IGSF10: variants seen among roughly 807,000 people sequenced by gnomAD.
The protein encoded by IGSF10 is calvaria mechanical force protein 608.
IGSF10 carries 126 observed loss-of-function variants against 128.2 expected under a neutral mutation model. That is an observed-to-expected ratio of 0.98 (90% CI 0.85 to 1.14). The LOEUF (loss-of-function observed/expected upper bound fraction) is 1.14, where lower values mean the gene tolerates loss of function less well. Ranked by LOEUF, IGSF10 falls within the 50% of genes most tolerant of loss-of-function variation. IGSF10 has a pLI of 0.00. For synonymous variants in IGSF10, 1,185 were observed against 1,146.2 expected (o/e 1.03, Z -0.68); for missense variants, 3,295 against 3,149.8 (o/e 1.05, Z -1.10).
At chr3:151,457,736 A>C (rs146214819) in intron 3 of IGSF10, among the ~76,000 whole-genome samples, 34 of 152,356 alleles carry the variant, frequency 2.2e-4, no homozygotes, top group Admixed American at 7.2e-4. Context: ...AAATGGATGC[A>C]GTGCTTAACC....
the IGSF10 span, among the ~76,000 whole-genome samples, chr3:151,566,157 A>C: frequency 6.6e-6 from 1 of 152,088 alleles, no homozygotes; most frequent in Admixed American, 6.5e-5. Flanking sequence ...AATTTGGATT[A>C]GAATGGGAGG....
the IGSF10 span, among the ~76,000 whole-genome samples, chr3:151,504,094 A>T: frequency 6.6e-6 from 1 of 152,116 alleles, no homozygotes; most frequent in African/African-American, 2.4e-5. Flanking sequence ...TAATTTGTTA[A>T]TCTTATAGAG....
chr3:151,472,925 G>A, the IGSF10 span, among the ~76,000 whole-genome samples: 8 of 152,090 alleles, frequency 5.3e-5, no homozygotes, highest in Admixed American at 5.2e-4. Context: ...AAGCTTCAGG[G>A]CCTTGAACCT....
At chr3:151,524,933 C>A in the IGSF10 span, among the ~76,000 whole-genome samples, 874 of 138,402 alleles carry the variant, frequency 6.3e-3, 8 homozygotes, top group African/African-American at 0.022. Flanking sequence ...TATCAAATGT[C>A]TTTTCCAGCT....
the IGSF10 span, among the ~76,000 whole-genome samples, chr3:151,535,157 A>G: frequency 6.6e-6 from 1 of 152,222 alleles, no homozygotes; most frequent in Non-Finnish European, 1.5e-5. Flanking sequence ...TGCAAAAACA[A>G]TAACTATTAA....
chr3:151,519,348 A>G, the IGSF10 span, among the ~76,000 whole-genome samples: 5 of 135,314 alleles, frequency 3.7e-5, no homozygotes, highest in South Asian at 1.1e-3. Context: ...AAAAATTTCA[A>G]AAGTTAGATT....
In IGSF10 at chr3:151,446,616, G is replaced by C. The variant is rs914538130; in HGVS notation, c.3365C>G (p.Thr1122Arg). The C allele has an allele frequency of 6.2e-7, 1 of 1,614,092 alleles. No homozygotes were observed. The highest frequency in any genetic ancestry group is 1.3e-5 in the African/African-American group (1 of 75,038). Residue 1122 changes from threonine (T) to arginine (R), a missense_variant, in exon 6 of 8, where the codon ACA becomes AGA. By Grantham distance (71) the Thr-to-Arg change is moderately conservative. Coordinates refer to ENST00000282466, the MANE Select transcript of IGSF10 (RefSeq NM_178822.5). ...CCTGAAATATTTTATTGTGGGTGTT[G>C]TTTTCTCTACACTGGGTTTGTTCTC... ...LLENKPSVEKTTPTIKYFRTE... is the reference protein window; with the variant it reads ...LLENKPSVEKRTPTIKYFRTE...
In IGSF10 at chr3:151,447,268, C is replaced by T; in HGVS notation, c.2713G>A (p.Asp905Asn). 1.2e-6 allele frequency: 2 copies of T among 1,614,160 alleles called. No individual in the cohort carries two copies. Among genetic ancestry groups the T allele is most frequent in the Non-Finnish European group, 1.7e-6 (2 of 1,180,018 alleles). ...CTTCCTCTTCCCATCTGGTCAGAGTCCTGAAATTCAGTTGCTCCAAGTAGC... is the reference window on the plus strand; with the variant it reads ...CTTCCTCTTCCCATCTGGTCAGAGTTCTGAAATTCAGTTGCTCCAAGTAGC... ...PLLLGATEFQ[D>N]SDQMGRGREH... is the part of the protein sequence containing the mutation. The change falls in exon 6 of 8, where the codon GAC (aspartate) becomes AAC (asparagine). Residue 905 changes from aspartate to asparagine, a missense_variant. Physicochemically the swap from Asp to Asn is conservative, Grantham distance 23. Transcript: ENST00000282466.
At chr3:151,538,927 G>T in the IGSF10 span, among the ~76,000 whole-genome samples, 9 of 152,058 alleles carry the variant, frequency 5.9e-5, no homozygotes, top group African/African-American at 1.9e-4. Flanking sequence ...TCCAGCAAAC[G>T]AAAACACATC....
At chr3:151,551,034 G>A in the IGSF10 span, among the ~76,000 whole-genome samples, 1 of 152,174 alleles carries the variant, frequency 6.6e-6, no homozygotes, top group East Asian at 1.9e-4. Flanking sequence ...GTTCAGTGTG[G>A]CCCCTGAAAA....
rs529672522 is a variant in IGSF10, at chr3:151,446,700, A to G, written c.3281T>C (p.Ile1094Thr). ...AAPITFPKADIARVPSEESTT... is the reference protein window; with the variant it reads ...AAPITFPKADTARVPSEESTT... ...AGACTCTTCTGATGGGACTCTAGCA[A>G]TGTCAGCTTTGGGGAAGGTGATGGG... The change falls in exon 6 of 8, where the codon ATT (isoleucine) becomes ACT (threonine). Residue 1094 changes from isoleucine to threonine, a missense_variant. Coordinates refer to ENST00000282466, the MANE Select transcript of IGSF10 (RefSeq NM_178822.5). The G allele has an allele frequency of 1.9e-6, 3 of 1,614,148 alleles. No homozygotes were observed. In the African/African-American group the frequency reaches 4.0e-5, roughly 22 times the overall value.
chr3:151,491,196 C>T, the IGSF10 span, among the ~76,000 whole-genome samples: 1 of 152,108 alleles, frequency 6.6e-6, no homozygotes, highest in South Asian at 2.1e-4. Context: ...TAAAAAGCAT[C>T]ATAAGGGATT....
At chr3:151,513,706 G>A in the IGSF10 span, among the ~76,000 whole-genome samples, 4 of 152,276 alleles carry the variant, frequency 2.6e-5, no homozygotes, top group African/African-American at 9.6e-5. Flanking sequence ...TGACATGATT[G>A]TATATCTAGA....
the IGSF10 span, among the ~76,000 whole-genome samples, chr3:151,560,729 A>G: frequency 6.6e-6 from 1 of 151,610 alleles, no homozygotes; most frequent in Non-Finnish European, 1.5e-5. Context: ...ACAATCTCTT[A>G]AGCAAAGGGA....
the IGSF10 span, among the ~76,000 whole-genome samples, chr3:151,559,767 G>A: frequency 1.3e-5 from 2 of 152,130 alleles, no homozygotes; most frequent in East Asian, 1.9e-4. Context: ...TTTTGAATAG[G>A]TTTCAGACTA....
chr3:151,444,719 C>CA (rs1413781094), intron 6 of IGSF10, among the ~76,000 whole-genome samples, 200 bp downstream of exon 6: 14 of 152,132 alleles, frequency 9.2e-5, no homozygotes, highest in African/African-American at 3.1e-4. Flanking sequence ...TGAGGCATTC[C>CA]AAAAAATGTT....
At chr3:151,485,180 T>C in the IGSF10 span, among the ~76,000 whole-genome samples, 2 of 151,494 alleles carry the variant, frequency 1.3e-5, no homozygotes, top group African/African-American at 4.9e-5. Context: ...GCCAAATCGA[T>C]CAAGTGGAAG....
chr3:151,558,742 G>A, the IGSF10 span, among the ~76,000 whole-genome samples: 2 of 152,136 alleles, frequency 1.3e-5, no homozygotes, highest in Non-Finnish European at 1.5e-5. Context: ...CAATGAAAAT[G>A]TTTGGCATAG....
chr3:151,443,791 C>A lies in IGSF10; in HGVS notation c.5156G>T (p.Gly1719Val), dbSNP rs147171532. The change falls in exon 7 of 8, where the codon GGA becomes GTA. Residue 1719 changes from glycine (G) to valine (V), a missense_variant. Physicochemically the swap from Gly to Val is moderately radical, Grantham distance 109. Transcript: ENST00000282466. ...ATTGGATGCGGAACACAAGTACTGT[C>A]CGCGGTCCTGAATTTCCACCCTCTG... ...SIQRVEIQDR[G>V]QYLCSASNLF... 1.2e-5 allele frequency: 19 copies of A among 1,614,158 alleles called. No individual in the cohort carries two copies. The highest frequency in any genetic ancestry group is 1.6e-5 in the Non-Finnish European group (19 of 1,180,022).
Sources: allele counts gnomAD v4.1 joint callset (sites outside exome capture counted in the v4.1 genomes callset), GRCh38; gene constraint gnomAD v4.1.1; transcripts MANE v1.5; gene names NCBI Gene and HGNC (gene_info 2026-07-23, HGNC 2026-07-21).